The following WDR20 variants were observed in gnomAD, a reference collection of about 807,000 sequenced individuals.
WDR20 encodes the protein WD repeat-containing protein 20.
Under a neutral mutation model 38.7 loss-of-function variants are expected in WDR20, and 3 were observed. That is an observed-to-expected ratio of 0.08 (90% CI 0.04 to 0.20). The LOEUF (loss-of-function observed/expected upper bound fraction) is 0.20. Among genes scored for constraint, WDR20 ranks in the 10% least tolerant of loss-of-function variants. The pLI is 1.00. For synonymous variants in WDR20, 298 were observed against 285.6 expected (o/e 1.04, Z -0.44); for missense variants, 559 against 727.7 (o/e 0.77, Z 2.67).
At chr14:102,182,486 C>T (rs879700995) in intron 1 of WDR20, among the ~76,000 whole-genome samples, 20 of 152,026 alleles carry the variant, frequency 1.3e-4, no homozygotes, top group Non-Finnish European at 2.5e-4. Context: ...TATGATTTGG[C>T]CTGTTTGGAA....
intron 1 of WDR20, among the ~76,000 whole-genome samples, chr14:102,155,979 T>C (rs564585568): frequency 1.3e-5 from 2 of 151,158 alleles, no homozygotes; most frequent in Admixed American, 1.3e-4. Context: ...CTCACTATAT[T>C]ATAGCCTAGG....
At chr14:102,153,457 C>G (rs1283732639) in intron 1 of WDR20, among the ~76,000 whole-genome samples, 2 of 151,988 alleles carry the variant, frequency 1.3e-5, no homozygotes, top group Non-Finnish European at 2.9e-5. Flanking sequence ...CAGGCGCCCA[C>G]CACCACGCCT....
chr14:102,217,266 A>G (rs530835689), downstream of WDR20, among the ~76,000 whole-genome samples: 51 of 152,340 alleles, frequency 3.3e-4, no homozygotes, highest in African/African-American at 1.2e-3. Flanking sequence ...GCTGGTCTCC[A>G]TCAGTGAACG....
Position 102,222,741 on chromosome 14 carries a change from A to G in WDR20, c.1693-89A>G. On this transcript the variant is annotated intron_variant, in intron 3 of 3. Transcript: ENST00000335263. The surrounding 1 kb of genome is among the most constrained non-coding windows in gnomAD (Gnocchi z 4.4). The stretch of plus-strand genomic sequence containing the variant: ...TTCCACATCAACAGCACCAGTTTTG[A>G]CCACGTGGAGCTGCTGGCGGAGGGC... The G allele has an allele frequency of 7.0e-7, 1 of 1,431,884 alleles. No individual in the cohort carries two copies. Among genetic ancestry groups the G allele is most frequent in the South Asian group, 1.2e-5 (1 of 86,366 alleles). 88.7% of individuals were successfully genotyped at this position (1,431,884 alleles called of 1,614,324 possible). A position where few individuals can be genotyped will look rare whatever the true frequency, so the allele number is the denominator to read the frequency against.
rs1441326840 is a variant in WDR20 at position 102,209,284 on chromosome 14, G to A, written c.1114G>A (p.Val372Met). 9 of 1,614,052 alleles carry A rather than the reference G, an allele frequency of 5.6e-6. No individual in the cohort carries two copies. Among genetic ancestry groups the A allele is most frequent in the South Asian group, 1.1e-5 (1 of 91,090 alleles). The change falls in exon 3 of 3, where the codon GTG (valine) becomes ATG (methionine). Residue 372 changes from valine (V) to methionine (M), a missense_variant. By Grantham distance (21) the Val-to-Met change is conservative. Transcript: ENST00000342702. The surrounding 1 kb of genome is among the most constrained non-coding windows in gnomAD (Gnocchi z 6.0). Reference sequence around the variant, plus strand: ...AAGTGTCACGTATCGGTTTGGTTCCGTGGGCCAGGACACACAGCTCTGTTT... The same window carrying A: ...AAGTGTCACGTATCGGTTTGGTTCCATGGGCCAGGACACACAGCTCTGTTT... ...PVSVTYRFGS[V>M]GQDTQLCLWD...
intron 1 of WDR20, among the ~76,000 whole-genome samples, chr14:102,180,262 C>T (rs1244623347): frequency 1.3e-5 from 2 of 152,186 alleles, no homozygotes; most frequent in East Asian, 3.8e-4. Flanking sequence ...CTGCCTGTAG[C>T]AGGGTCACTG....
chr14:102,184,014 C>A (rs2063972575), intron 1 of WDR20, among the ~76,000 whole-genome samples: 1 of 152,138 alleles, frequency 6.6e-6, no homozygotes, highest in Non-Finnish European at 1.5e-5. Flanking sequence ...TGCATCTTGC[C>A]TTTTCGTCAG....
intron 1 of WDR20, among the ~76,000 whole-genome samples, chr14:102,179,270 A>C: frequency 6.6e-6 from 1 of 152,068 alleles, no homozygotes; most frequent in Non-Finnish European, 1.5e-5. Context: ...GGTATTATAA[A>C]AGCGGCCTTT....
At chr14:102,204,838 G>A (rs2061221791) in intron 2 of WDR20, among the ~76,000 whole-genome samples, 1 of 152,208 alleles carries the variant, frequency 6.6e-6, no homozygotes. Flanking sequence ...CTACATAGAT[G>A]TCCATCAGTG....
chr14:102,176,802 C>T (rs573372789), intron 1 of WDR20, among the ~76,000 whole-genome samples: 7 of 152,008 alleles, frequency 4.6e-5, no homozygotes, highest in South Asian at 4.2e-4. Flanking sequence ...GGCGCCATCT[C>T]GGCTTATTGC....
intron 2 of WDR20, chr14:102,197,703 A>C (rs2059638976): frequency 1.5e-6 from 1 of 674,220 alleles, no homozygotes; most frequent in East Asian, 2.7e-5. Flanking sequence ...GATGTGGGGG[A>C]ACCTTTGGCC....
chr14:102,157,874 G>A (rs141874677), intron 1 of WDR20, among the ~76,000 whole-genome samples: 1,820 of 152,200 alleles, frequency 0.012, 16 homozygotes, highest in Middle Eastern at 0.041. Flanking sequence ...TTCTTAGTAT[G>A]ATTTAAAAAG....
intron 1 of WDR20, among the ~76,000 whole-genome samples, chr14:102,148,963 C>T (rs963303800): frequency 6.6e-6 from 1 of 152,112 alleles, no homozygotes; most frequent in African/African-American, 2.4e-5. Flanking sequence ...AGTTTGAGAC[C>T]GTCCTGGCTA....
At chr14:102,194,003 A>G (rs2058987467) in intron 1 of WDR20, among the ~76,000 whole-genome samples, 1 of 152,170 alleles carries the variant, frequency 6.6e-6, no homozygotes, top group Non-Finnish European at 1.5e-5. Flanking sequence ...CACATTGAAA[A>G]ATCACTTTTC....
In WDR20 at chr14:102,140,068, C is replaced by T. The variant is rs1349125343; in HGVS notation, c.145C>T (p.Arg49Cys). The stretch of plus-strand genomic sequence containing the variant: ...CAACTCGCAGGGATCCAACCCTGTC[C>T]GCGTCTCCTTCGTAAACCTCAACGA... ...PFNSQGSNPV[R>C]VSFVNLNDQS... Residue 49 changes from arginine to cysteine, a missense_variant, in exon 1 of 3, where the codon CGC becomes TGC. Coordinates refer to ENST00000342702, the MANE Select transcript of WDR20 (RefSeq NM_144574.4). 1 of 1,614,212 alleles carries T rather than the reference C, an allele frequency of 6.2e-7. No homozygotes were observed. The highest frequency in any genetic ancestry group is 1.1e-5 in the South Asian group (1 of 91,090).
intron 1 of WDR20, among the ~76,000 whole-genome samples, chr14:102,172,048 C>CT (rs1489736645): frequency 6.6e-6 from 1 of 151,392 alleles, no homozygotes; most frequent in Non-Finnish European, 1.5e-5. Flanking sequence ...GCAGAGGACC[C>CT]TGAGGCCTTC....
chr14:102,218,326 C>CT (rs113610110), downstream of WDR20, among the ~76,000 whole-genome samples: 5,283 of 152,310 alleles, frequency 0.035, 286 homozygotes, highest in African/African-American at 0.12. Context: ...TCTGTCTTCT[C>CT]TGACACTCAC....
Position 102,208,822 on chromosome 14 carries a change from G to A in WDR20, c.652G>A (p.Val218Met). The change falls in exon 3 of 3, where the codon GTG (valine) becomes ATG (methionine). Residue 218 changes from valine to methionine, a missense_variant. Physicochemically the swap from Val to Met is conservative, Grantham distance 21. Coordinates refer to ENST00000342702, the MANE Select transcript of WDR20 (RefSeq NM_144574.4). The surrounding 1 kb of genome is among the most constrained non-coding windows in gnomAD (Gnocchi z 5.6). ...STRNPLLKWT[V>M]GEGALNEFAF... ...GAGGAACCCTCTCCTTAAGTGGACG[G>A]TGGGCGAGGGGGCCCTCAACGAGTT... 6 of 1,614,258 alleles carry A rather than the reference G, an allele frequency of 3.7e-6. No individual in the cohort carries two copies. Among genetic ancestry groups the A allele is most frequent in the Non-Finnish European group, 5.1e-6 (6 of 1,180,050 alleles).
At chr14:102,148,610 C>T (rs902824183) in intron 1 of WDR20, among the ~76,000 whole-genome samples, 2 of 151,136 alleles carry the variant, frequency 1.3e-5, no homozygotes, top group African/African-American at 2.4e-5. Context: ...CAAGGCACTG[C>T]TGTCTATTGT....
Sources: allele counts gnomAD v4.1 joint callset (sites outside exome capture counted in the v4.1 genomes callset), GRCh38; gene constraint gnomAD v4.1.1; non-coding constraint Gnocchi (gnomAD v3.1); transcripts MANE v1.5; gene names NCBI Gene and HGNC (gene_info 2026-07-23, HGNC 2026-07-21).